THEMIS: variants seen among roughly 807,000 people sequenced by gnomAD.
THEMIS encodes protein THEMIS.
THEMIS carries 37 observed loss-of-function variants against 52.6 expected under a neutral mutation model. The observed-to-expected ratio is 0.70, with a 90% CI of 0.54 to 0.93. THEMIS has a LOEUF of 0.93. THEMIS is among the 40% of genes least tolerant of loss of function. The probability of loss-of-function intolerance (pLI) is 0.00; values close to 1 mark genes in which losing one functional copy is unlikely to be tolerated. For synonymous variants in THEMIS, 292 were observed against 272.7 expected (o/e 1.07, Z -0.70); for missense variants, 808 against 763.1 (o/e 1.06, Z -0.69).
chr6:127,792,554 T>C (rs922517187), intron 4 of THEMIS, among the ~76,000 whole-genome samples: 1 of 152,320 alleles, frequency 6.6e-6, no homozygotes, highest in South Asian at 2.1e-4. Context: ...GTTAGGAAAA[T>C]TCTGAGAATC....
chr6:127,849,288 A>T (rs1405952851), intron 2 of THEMIS, among the ~76,000 whole-genome samples: 1 of 151,850 alleles, frequency 6.6e-6, no homozygotes, highest in African/African-American at 2.4e-5. Flanking sequence ...GGTCTATATC[A>T]CTGTTTTGGT....
chr6:127,766,188 G>A (rs1477143427), intron 4 of THEMIS, among the ~76,000 whole-genome samples: 1 of 152,020 alleles, frequency 6.6e-6, no homozygotes, highest in East Asian at 1.9e-4. Flanking sequence ...CATCAGTCAG[G>A]TCCATTATAT....
At chr6:127,867,616 C>T (rs535223100) in intron 1 of THEMIS, among the ~76,000 whole-genome samples, 1 of 152,074 alleles carries the variant, frequency 6.6e-6, no homozygotes, top group African/African-American at 2.4e-5. Context: ...ATCAAGTGGC[C>T]ACATTAAGAT....
chr6:127,701,733 G>A, the THEMIS span, among the ~76,000 whole-genome samples: 1 of 152,072 alleles, frequency 6.6e-6, no homozygotes, highest in South Asian at 2.1e-4. Flanking sequence ...TAGCCATCTG[G>A]TAGGTTTATA....
chr6:127,906,955 A>AAC (rs1447058890), intron 1 of THEMIS, among the ~76,000 whole-genome samples: 5 of 150,114 alleles, frequency 3.3e-5, no homozygotes, highest in Admixed American at 2.7e-4. Context: ...TTAAAAAACA[A>AAC]AAAAAAAAAT....
chr6:127,805,587 T>G (rs1451589502), intron 4 of THEMIS, among the ~76,000 whole-genome samples: 1 of 152,128 alleles, frequency 6.6e-6, no homozygotes, highest in Non-Finnish European at 1.5e-5. Context: ...GAAAAAATAC[T>G]GATTTTTGGA....
chr6:127,805,554 G>A (rs899660388), intron 4 of THEMIS, among the ~76,000 whole-genome samples: 3 of 151,418 alleles, frequency 2.0e-5, no homozygotes, highest in Non-Finnish European at 2.9e-5. Context: ...TTCTTCTTAC[G>A]TTTTTTACTT....
chr6:127,746,450 G>T (rs1277517399), intron 4 of THEMIS, among the ~76,000 whole-genome samples: 2 of 150,978 alleles, frequency 1.3e-5, no homozygotes, highest in African/African-American at 4.9e-5. Flanking sequence ...AAATGCACAA[G>T]AAATATTTGA....
intron 5 of THEMIS, among the ~76,000 whole-genome samples, chr6:127,715,265 A>T (rs1774117845): frequency 1.3e-5 from 2 of 151,932 alleles, no homozygotes; most frequent in Non-Finnish European, 2.9e-5. Context: ...ATCTACATTG[A>T]TGTTAAATAT....
At chr6:127,915,696 A>G (rs17055123) in intron 1 of THEMIS, among the ~76,000 whole-genome samples, 10,312 of 152,174 alleles carry the variant, frequency 0.068, 987 homozygotes, top group East Asian at 0.37. Context: ...ATGAGAAAAA[A>G]GAATGAGCAG....
chr6:127,749,353 G>T (rs781511175), intron 4 of THEMIS, among the ~76,000 whole-genome samples: 2 of 152,002 alleles, frequency 1.3e-5, no homozygotes, highest in African/African-American at 2.4e-5. Context: ...AAAACCACAG[G>T]ATTGATGCTT....
chr6:127,820,042 A>G (rs1778281944), intron 3 of THEMIS, among the ~76,000 whole-genome samples: 1 of 152,146 alleles, frequency 6.6e-6, no homozygotes, highest in Non-Finnish European at 1.5e-5. Flanking sequence ...ATATTTTCTT[A>G]TAAGGTAACT....
chr6:127,900,988 G>T lies in THEMIS; in HGVS notation c.-56C>A. ...TGCTCACAGAAACTTGTGGCTTCTG[G>T]GTGACACTTGTCTGCAATTGCAGCC... On this transcript the variant is annotated 5_prime_UTR_variant, in exon 1 of 6. Coordinates refer to ENST00000368248, the MANE Select transcript of THEMIS (RefSeq NM_001010923.3). 1 of 1,395,502 alleles carries T rather than the reference G, an allele frequency of 7.2e-7. No homozygotes were observed. Among genetic ancestry groups the T allele is most frequent in the Non-Finnish European group, 1.0e-6 (1 of 982,536 alleles). 86.4% of individuals were successfully genotyped at this position (1,395,502 alleles called of 1,614,324 possible).
At chr6:127,915,002 A>G (rs999488175) in intron 1 of THEMIS, among the ~76,000 whole-genome samples, 1 of 152,170 alleles carries the variant, frequency 6.6e-6, no homozygotes, top group Non-Finnish European at 1.5e-5. Context: ...TTGATATTGA[A>G]CCATTTTTAG....
chr6:127,757,426 A>C (rs1441589351), intron 4 of THEMIS, among the ~76,000 whole-genome samples: 2 of 152,116 alleles, frequency 1.3e-5, no homozygotes, highest in Non-Finnish European at 2.9e-5. Flanking sequence ...ATAGACGTAG[A>C]CTATATTTAC....
upstream of THEMIS, among the ~76,000 whole-genome samples, chr6:127,902,340 A>AAT (rs1554248922): frequency 1.3e-4 from 17 of 127,488 alleles, no homozygotes; most frequent in Admixed American, 2.4e-4. Context: ...AAAAAAAAAA[A>AAT]AAAAATAAAG....
At chr6:127,819,299 A>AACATAATAT (rs1157621736) in intron 3 of THEMIS, among the ~76,000 whole-genome samples, 2 of 151,940 alleles carry the variant, frequency 1.3e-5, no homozygotes, top group Non-Finnish European at 2.9e-5. Flanking sequence ...AAAAAAATAG[A>AACATAATAT]ACATAATATA....
intron 4 of THEMIS, among the ~76,000 whole-genome samples, chr6:127,755,514 T>C (rs1047940416): frequency 6.6e-6 from 1 of 152,194 alleles, no homozygotes; most frequent in African/African-American, 2.4e-5. Flanking sequence ...AAAGATTTTT[T>C]TTATTTTGCT....
chr6:127,712,745 G>C (rs148350511), intron 5 of THEMIS, among the ~76,000 whole-genome samples: 1 of 151,822 alleles, frequency 6.6e-6, no homozygotes, highest in East Asian at 2.0e-4. Context: ...CAAAAATACA[G>C]GCTAAATAAG....
Sources: gnomAD v4.1 joint callset for allele counts (sites outside exome capture counted in the v4.1 genomes callset) on GRCh38, gnomAD v4.1.1 for gene constraint, MANE v1.5 for transcripts, NCBI Gene and HGNC (gene_info 2026-07-23, HGNC 2026-07-21) for gene names.